The following ADAMDEC1 variants were observed in gnomAD, a reference collection of about 807,000 sequenced individuals.
ADAMDEC1 encodes ADAM DEC1.
ADAMDEC1 carries 62 observed loss-of-function variants against 60.4 expected under a neutral mutation model. That is an observed-to-expected ratio of 1.03 (90% CI 0.84 to 1.27). ADAMDEC1 has a LOEUF of 1.27. ADAMDEC1 is among the 50% of genes most tolerant of loss of function. ADAMDEC1 has a pLI of 0.00. For synonymous variants in ADAMDEC1, 210 were observed against 195.1 expected, an observed-to-expected ratio of 1.08 and a Z score of -0.64; for missense variants, 595 against 565.0, an observed-to-expected ratio of 1.05 and a Z score of -0.54.
Position 24,405,434 on chromosome 8 carries a change from C to A in ADAMDEC1, c.*136C>A. On this transcript the variant is annotated 3_prime_UTR_variant, in exon 14 of 14. Coordinates refer to ENST00000256412, the MANE Select transcript of ADAMDEC1 (RefSeq NM_014479.3). ...TTCTACTTTCTATATTGTTATCAGT[C>A]CAGGAAACAGGTAAACAGATGTAAT... The A allele has an allele frequency of 1.0e-6, 1 of 957,186 alleles. No homozygotes were observed. 59.3% of individuals were successfully genotyped at this position (957,186 alleles called of 1,614,324 possible).
At chr8:24,397,986 CA>C (rs1817660096) in intron 7 of ADAMDEC1, among the ~76,000 whole-genome samples, 1 of 150,620 alleles carries the variant, frequency 6.6e-6, no homozygotes, top group Non-Finnish European at 1.5e-5. Context: ...GGCAATCAAC[CA>C]AAAAAGAAAA....
At chr8:24,401,862 G>A (rs1053147471) in intron 11 of ADAMDEC1, 53 bp from the exon 12 acceptor site, 52 of 1,332,496 alleles carry the variant, frequency 3.9e-5, no homozygotes, top group Admixed American at 3.7e-4. Context: ...TGTGTTTCAC[G>A]CAGAAGGCAC....
chr8:24,391,603 C>T (rs1817446375), intron 1 of ADAMDEC1, among the ~76,000 whole-genome samples: 1 of 152,126 alleles, frequency 6.6e-6, no homozygotes. Flanking sequence ...AATCTTCCTA[C>T]TTCCTCTCTG....
In ADAMDEC1 at chr8:24,400,155, A is replaced by G; in HGVS notation, c.1012-15A>G. ...AAATAAAAAAAGAATAAATAAATATATCTACTTTTTCCAGGCTAAAAAAAA... is the reference window on the plus strand; with the variant it reads ...AAATAAAAAAAGAATAAATAAATATGTCTACTTTTTCCAGGCTAAAAAAAA... On this transcript the variant is annotated splice_polypyrimidine_tract_variant and intron_variant, in intron 10 of 13. Coordinates refer to ENST00000256412, the MANE Select transcript of ADAMDEC1 (RefSeq NM_014479.3). 1 of 1,528,038 alleles carries G rather than the reference A, an allele frequency of 6.5e-7. No homozygotes were observed. Among genetic ancestry groups the G allele is most frequent in the Middle Eastern group, 1.7e-4 (1 of 5,762 alleles). The allele number at this position is 1,528,038 out of a possible 1,614,324, so 94.7% of individuals were successfully genotyped here. A position where few individuals can be genotyped will look rare whatever the true frequency, so the allele number is the denominator to read the frequency against.
At chr8:24,393,940 G>A (rs1409461880) in intron 3 of ADAMDEC1, 129 bp from the exon 4 acceptor site, 1 of 492,062 alleles carries the variant, frequency 2.0e-6, no homozygotes, top group African/African-American at 2.0e-5. Flanking sequence ...AATGTTGGAA[G>A]AGGATTAGTA....
chr8:24,397,163 G>A (rs951533295), intron 5 of ADAMDEC1, 107 bp from the exon 6 acceptor site: 7 of 996,902 alleles, frequency 7.0e-6, no homozygotes, highest in African/African-American at 6.5e-5. Context: ...TGAATGACAA[G>A]GCTATGTGTG....
intron 8 of ADAMDEC1, 116 bp downstream of exon 8, chr8:24,398,667 G>T: frequency 3.1e-6 from 3 of 979,108 alleles, no homozygotes; most frequent in Non-Finnish European, 4.6e-6. Context: ...AAGTTAAATA[G>T]TTCAGGGAAA....
intron 9 of ADAMDEC1, 114 bp downstream of exon 9, chr8:24,399,154 C>G: frequency 8.2e-7 from 1 of 1,221,092 alleles, no homozygotes; most frequent in Non-Finnish European, 1.1e-6. Context: ...GAGTGCTTGA[C>G]ATTTTACCAC....
At chr8:24,386,507 C>T (rs1032132426) in intron 1 of ADAMDEC1, among the ~76,000 whole-genome samples, 4 of 152,274 alleles carry the variant, frequency 2.6e-5, no homozygotes, top group South Asian at 2.1e-4. Flanking sequence ...TTTTACTTGG[C>T]GTTCTGCCAT....
At chr8:24,398,037 A>G (rs1817661796) in intron 7 of ADAMDEC1, among the ~76,000 whole-genome samples, 1 of 150,636 alleles carries the variant, frequency 6.6e-6, no homozygotes, top group African/African-American at 2.4e-5. Flanking sequence ...AATACTTTAT[A>G]TCTTAATATA....
rs1252578639 is a variant in ADAMDEC1 at position 24,392,371 on chromosome 8, T to C, written c.198T>C (p.His66=). The part of the protein sequence containing the change: ...REIKNNQTEK[H]GKEERYEPEV... ...TCAAGAACAACCAGACAGAAAAGCA[T>C]GGCAAAGAGGTAAGCAAGGTGAATG... The change falls in exon 2 of 14, where the codon CAT becomes CAC. Residue 66 remains histidine, a synonymous_variant. Coordinates refer to ENST00000256412, the MANE Select transcript of ADAMDEC1 (RefSeq NM_014479.3). The C allele has an allele frequency of 2.0e-5, 32 of 1,608,050 alleles. No individual in the cohort carries two copies. The highest frequency in any genetic ancestry group is 2.7e-5 in the Non-Finnish European group (32 of 1,176,250).
intron 7 of ADAMDEC1, 151 bp from the exon 8 acceptor site, chr8:24,398,329 C>T (rs1817668765): frequency 2.1e-6 from 1 of 469,556 alleles, no homozygotes; most frequent in Non-Finnish European, 3.7e-6. Flanking sequence ...GAATTTGCCA[C>T]AATGCAGTCT....
In ADAMDEC1 at chr8:24,402,083, C is replaced by A. The variant is rs779921590; in HGVS notation, c.1311C>A (p.Gly437=). The change falls in exon 12 of 14, where the codon GGC becomes GGA. Residue 437 remains glycine (G), a synonymous_variant. Transcript: ENST00000256412. ...AAGTGGGAGAAGACTGTGATTGTGG[C>A]TCTCCTAAGGTATTATTTATTAGAA... ...LLEVGEDCDC[G]SPKECTNLCC... The A allele has an allele frequency of 6.2e-7, 1 of 1,608,878 alleles. No individual in the cohort carries two copies. Among genetic ancestry groups the A allele is most frequent in the Admixed American group, 1.7e-5 (1 of 59,506 alleles).
Position 24,392,171 on chromosome 8 carries a change from T to G in ADAMDEC1, c.89-91T>G. On this transcript the variant is annotated intron_variant, in intron 1 of 13. Coordinates refer to ENST00000256412, the MANE Select transcript of ADAMDEC1 (RefSeq NM_014479.3). ...ATAGGAATGTAGTCTTCACTGCTCT[T>G]TCAGCAACCCAAGAAATGAAAACAA... is the stretch of plus-strand genomic sequence containing the variant. The G allele has an allele frequency of 3.3e-6, 3 of 916,952 alleles. No individual in the cohort carries two copies. In the Admixed American group the frequency reaches 7.2e-5, roughly 22 times the overall value. 56.8% of individuals were successfully genotyped at this position (916,952 alleles called of 1,614,324 possible). A position where few individuals can be genotyped will look rare whatever the true frequency, so the allele number is the denominator to read the frequency against.
chr8:24,388,180 C>T (rs1817343986), intron 1 of ADAMDEC1, among the ~76,000 whole-genome samples: 1 of 152,116 alleles, frequency 6.6e-6, no homozygotes, highest in Non-Finnish European at 1.5e-5. Context: ...TAGCTGCCTT[C>T]AGTTATTCTT....
intron 1 of ADAMDEC1, among the ~76,000 whole-genome samples, chr8:24,385,270 T>C (rs1817263958): frequency 1.3e-5 from 2 of 152,120 alleles, no homozygotes; most frequent in South Asian, 4.1e-4. Context: ...TTGAAACAGG[T>C]AAAGTACATA....
intron 1 of ADAMDEC1, among the ~76,000 whole-genome samples, chr8:24,388,745 T>C (rs1343882245): frequency 6.6e-6 from 1 of 152,198 alleles, no homozygotes; most frequent in African/African-American, 2.4e-5. Context: ...ATGTACACTT[T>C]ATTTCCAACA....
chr8:24,403,914 C>A, intron 12 of ADAMDEC1, 89 bp from the exon 13 acceptor site: 1 of 1,013,922 alleles, frequency 9.9e-7, no homozygotes, highest in Non-Finnish European at 1.5e-6. Context: ...AGTAAACTTT[C>A]ATTGCCATCT....
intron 5 of ADAMDEC1, among the ~76,000 whole-genome samples, 180 bp from the exon 6 acceptor site, chr8:24,397,090 T>G (rs1817633342): frequency 6.6e-6 from 1 of 152,202 alleles, no homozygotes; most frequent in African/African-American, 2.4e-5. Context: ...TAAGTTAGGC[T>G]TCATTTTATA....
Sources: allele counts gnomAD v4.1 joint callset (sites outside exome capture counted in the v4.1 genomes callset), GRCh38; gene constraint gnomAD v4.1.1; transcripts MANE v1.5; gene names NCBI Gene and HGNC (gene_info 2026-07-23, HGNC 2026-07-21).